Variants in CCDC88A observed in about 807,000 individuals in gnomAD.
CCDC88A encodes girdin.
CCDC88A carries 54 observed loss-of-function variants against 234.3 expected under a neutral mutation model. The ratio of observed to expected loss-of-function variants is 0.23; its 90% CI spans 0.19 to 0.29. The LOEUF (loss-of-function observed/expected upper bound fraction) is 0.29, where lower values mean the gene tolerates loss of function less well. Among genes scored for constraint, CCDC88A ranks in the 10% least tolerant of loss-of-function variants. CCDC88A has a pLI of 1.00. For synonymous variants in CCDC88A, 753 were observed against 737.8 expected, an observed-to-expected ratio of 1.02 and a Z score of -0.33; for missense variants, 1,832 against 2,123.4, an observed-to-expected ratio of 0.86 and a Z score of 2.70.
intron 8 of CCDC88A, among the ~76,000 whole-genome samples, chr2:55,351,745 G>A (rs868178127): frequency 6.6e-6 from 1 of 152,140 alleles, no homozygotes; most frequent in Non-Finnish European, 1.5e-5. Flanking sequence ...ATTCAAAACA[G>A]ATGTCTACAG....
rs1683762328 is a variant in CCDC88A at position 55,322,482 on chromosome 2, C to T, written c.3162+46G>A. The T allele has an allele frequency of 5.3e-6, 6 of 1,134,716 alleles. No homozygotes were observed. In the South Asian group the frequency reaches 6.2e-5, roughly 12 times the overall value. The allele number at this position is 1,134,716 out of a possible 1,614,324, so 70.3% of individuals were successfully genotyped here. A position where few individuals can be genotyped will look rare whatever the true frequency, so the allele number is the denominator to read the frequency against. On this transcript the variant is annotated intron_variant, in intron 18 of 32. Coordinates refer to ENST00000436346, the MANE Select transcript of CCDC88A (RefSeq NM_001365480.1). The stretch of plus-strand genomic sequence containing the variant: ...TAAGATAAATATATCCAGTGATCCT[C>T]TATTTCTAAAAAAAACTATTTCTAC...
At chr2:55,333,692 A>T (rs538285916) in intron 15 of CCDC88A, among the ~76,000 whole-genome samples, 1 of 152,176 alleles carries the variant, frequency 6.6e-6, no homozygotes, top group African/African-American at 2.4e-5. Context: ...GTGTGTGTGT[A>T]TATATTATTT....
intron 2 of CCDC88A, among the ~76,000 whole-genome samples, chr2:55,409,708 G>A (rs1328628919): frequency 6.8e-6 from 1 of 146,820 alleles, no homozygotes; most frequent in Non-Finnish European, 1.5e-5. Context: ...AGGAGTCCAT[G>A]TAAACAGGGG....
chr2:55,346,362 A>T (rs1259754311), intron 9 of CCDC88A, 29 bp from the exon 10 acceptor site: 3 of 1,340,094 alleles, frequency 2.2e-6, no homozygotes, highest in Non-Finnish European at 1.0e-6. Flanking sequence ...TTATATTTTA[A>T]TTATTTTCTG....
chr2:55,290,305 A>C lies in CCDC88A; in HGVS notation c.*895T>G, dbSNP rs1679357498. The C allele has an allele frequency of 6.6e-6, 1 of 152,184 alleles. No individual in the cohort carries two copies. Among genetic ancestry groups the C allele is most frequent in the South Asian group, 2.1e-4 (1 of 4,832 alleles). The allele number at this position is 152,184 out of a possible 1,614,324, so 9.4% of individuals were successfully genotyped here. On this transcript the variant is annotated 3_prime_UTR_variant, in exon 33 of 33. Coordinates refer to ENST00000436346, the MANE Select transcript of CCDC88A (RefSeq NM_001365480.1). Reference sequence around the variant, plus strand: ...AACTTATTTACATTATTTTTGCCATAAGAAAACTTCTTAAGCAACAGTCAG... The same window carrying C: ...AACTTATTTACATTATTTTTGCCATCAGAAAACTTCTTAAGCAACAGTCAG...
intron 2 of CCDC88A, among the ~76,000 whole-genome samples, chr2:55,411,738 C>G: frequency 7.2e-6 from 1 of 139,700 alleles, no homozygotes; most frequent in East Asian, 2.2e-4. Flanking sequence ...CGAGATCACG[C>G]CACTGTACTC....
intron 2 of CCDC88A, among the ~76,000 whole-genome samples, chr2:55,396,763 G>A (rs1193091931): frequency 1.3e-5 from 2 of 151,136 alleles, no homozygotes; most frequent in South Asian, 2.1e-4. Flanking sequence ...CTAGCTACTC[G>A]GGAGGCTGAG....
At chr2:55,341,911 A>G (rs1022217940) in intron 12 of CCDC88A, among the ~76,000 whole-genome samples, 2 of 152,328 alleles carry the variant, frequency 1.3e-5, no homozygotes, top group Non-Finnish European at 1.5e-5. Flanking sequence ...TACTGATTTA[A>G]TGTCCTTTAG....
At chr2:55,411,759 G>A (rs1334000607) in intron 2 of CCDC88A, among the ~76,000 whole-genome samples, 2 of 114,954 alleles carry the variant, frequency 1.7e-5, no homozygotes, top group East Asian at 2.7e-4. Context: ...CAGCCTAGAC[G>A]ACAGAGTAAG....
At chr2:55,325,746 T>G (rs192936009) in intron 17 of CCDC88A, among the ~76,000 whole-genome samples, 4 of 152,366 alleles carry the variant, frequency 2.6e-5, no homozygotes, top group African/African-American at 9.6e-5. Flanking sequence ...TTTCTCCATG[T>G]AGTTCTACAG....
chr2:55,411,767 A>G lies in CCDC88A; in HGVS notation c.164+7049T>C, dbSNP rs1159606541. Among the ~76,000 whole-genome samples the G allele has an allele frequency of 8.3e-5, 11 of 131,958 alleles. 1 individual carries two copies. In the East Asian group the frequency reaches 2.4e-3, roughly 29 times the overall value. The allele number at this position is 131,958 out of a possible 152,430, so 86.6% of individuals were successfully genotyped here. A position where few individuals can be genotyped will look rare whatever the true frequency, so the allele number is the denominator to read the frequency against. The stretch of plus-strand genomic sequence containing the variant: ...TGTACTCCAGCCTAGACGACAGAGT[A>G]AGACTCCGTCTCAAAAAAAAAAAAA... On this transcript the variant is annotated intron_variant, in intron 2 of 32. Transcript: ENST00000436346.
At chr2:55,355,372 A>T in intron 8 of CCDC88A, 1 of 506,144 alleles carries the variant, frequency 2.0e-6, no homozygotes, top group Non-Finnish European at 3.5e-6. Context: ...CTAGAATGCT[A>T]GAAAGGCCAT....
intron 5 of CCDC88A, among the ~76,000 whole-genome samples, chr2:55,367,801 A>T (rs1029937514): frequency 4.6e-5 from 7 of 151,954 alleles, no homozygotes; most frequent in African/African-American, 1.7e-4. Flanking sequence ...AGAATCAAAT[A>T]CTAACGGTAG....
At chr2:55,326,647 C>T (rs1418957335) in intron 17 of CCDC88A, among the ~76,000 whole-genome samples, 2 of 152,162 alleles carry the variant, frequency 1.3e-5, no homozygotes, top group Admixed American at 6.5e-5. Flanking sequence ...ACTGCAACCT[C>T]TACCTCCTGG....
chr2:55,387,779 C>CAAAAAAAAAAAAAAAAAAAGAAAA (rs1675917675), intron 3 of CCDC88A, among the ~76,000 whole-genome samples: 1 of 64,852 alleles, frequency 1.5e-5, no homozygotes, highest in African/African-American at 5.5e-5. Flanking sequence ...GGCTCCATCT[C>CAAAAAAAAAAAAAAAAAAAGAAAA]AAAAAAAAAA....
Position 55,351,346 on chromosome 2 carries a change from G to GA in CCDC88A, c.801-1748_801-1747insT, listed in dbSNP as rs1669858646. 1.3e-5 allele frequency among the ~76,000 whole-genome samples: 2 copies of GA among 150,216 alleles called. 1 individual carries two copies. Among genetic ancestry groups the GA allele is most frequent in the African/African-American group, 4.9e-5 (2 of 40,836 alleles). On this transcript the variant is annotated intron_variant, in intron 8 of 32. Coordinates refer to ENST00000436346, the MANE Select transcript of CCDC88A (RefSeq NM_001365480.1). ...CAGAAGTATTTAGAATTTTTTTCAGGTTTTTTTTTTCCTCCATTTGAGACA... is the reference window on the plus strand; with the variant it reads ...CAGAAGTATTTAGAATTTTTTTCAGGATTTTTTTTTTCCTCCATTTGAGACA...
At chr2:55,416,077 GAC>G (rs1354063978) in intron 2 of CCDC88A, among the ~76,000 whole-genome samples, 2 of 151,218 alleles carry the variant, frequency 1.3e-5, no homozygotes, top group Non-Finnish European at 2.9e-5. Context: ...ACCCCAAAAT[GAC>G]ACAGACAGAA....
At chr2:55,376,564 T>G (rs1673679862) in intron 3 of CCDC88A, among the ~76,000 whole-genome samples, 1 of 152,156 alleles carries the variant, frequency 6.6e-6, no homozygotes, top group African/African-American at 2.4e-5. Context: ...TACAAGAAAG[T>G]TTCAAAAAAG....
At chr2:55,349,247 C>G in intron 9 of CCDC88A, 1 of 366,070 alleles carries the variant, frequency 2.7e-6, no homozygotes, top group Non-Finnish European at 4.8e-6. Context: ...GCCACAGAAG[C>G]CAAACACATC....
Sources: allele counts gnomAD v4.1 joint callset (sites outside exome capture counted in the v4.1 genomes callset), GRCh38; gene constraint gnomAD v4.1.1; transcripts MANE v1.5; gene names NCBI Gene and HGNC (gene_info 2026-07-23, HGNC 2026-07-21).